SUCLG2: variants seen among roughly 807,000 people sequenced by gnomAD.
SUCLG2 encodes the protein succinate--CoA ligase [GDP-forming] subunit beta, mitochondrial.
A neutral mutation model predicts 47.9 loss-of-function variants in SUCLG2; 42 were observed. The observed-to-expected ratio is 0.88, with a 90% CI of 0.69 to 1.14. SUCLG2 has a LOEUF of 1.14. SUCLG2 is among the 50% of genes most tolerant of loss of function. The probability of loss-of-function intolerance (pLI) is 0.00; values close to 1 mark genes in which losing one functional copy is unlikely to be tolerated. For synonymous variants in SUCLG2, 195 were observed against 197.3 expected (o/e 0.99, Z 0.10); for missense variants, 571 against 525.9 (o/e 1.09, Z -0.84).
chr3:67,653,539 T>C (rs1467819446), intron 1 of SUCLG2, among the ~76,000 whole-genome samples: 11 of 152,244 alleles, frequency 7.2e-5, no homozygotes, highest in Admixed American at 7.2e-4. Flanking sequence ...TCTAAAAAAC[T>C]ATACTATGCA....
rs1405712113 is a variant in SUCLG2 at position 67,487,583 on chromosome 3, CA to C, written c.1062+8214del. Among the ~76,000 whole-genome samples the C allele has an allele frequency of 7.7e-5, 11 of 143,664 alleles. No individual in the cohort carries two copies. In the East Asian group the frequency reaches 1.2e-3, roughly 16 times the overall value. 94.2% of individuals were successfully genotyped at this position (143,664 alleles called of 152,430 possible). A position where few individuals can be genotyped will look rare whatever the true frequency, so the allele number is the denominator to read the frequency against. ...AATTATGTAATAATGGAAAACTAGA[CA>C]AAAAAAAAGAAAAGGCAAGTCATAA... On this transcript the variant is annotated intron_variant, in intron 9 of 10. Coordinates refer to ENST00000307227, the MANE Select transcript of SUCLG2 (RefSeq NM_003848.4).
intron 4 of SUCLG2, 117 bp from the exon 5 acceptor site, chr3:67,520,751 G>C: frequency 8.3e-7 from 1 of 1,210,248 alleles, no homozygotes; most frequent in Non-Finnish European, 1.2e-6. Context: ...TTACAGCCCA[G>C]GGAGTGAGTT....
intron 2 of SUCLG2, among the ~76,000 whole-genome samples, chr3:67,569,882 G>T (rs1575785746): frequency 1.3e-5 from 2 of 152,216 alleles, no homozygotes; most frequent in East Asian, 3.9e-4. Context: ...GATGGGAGGG[G>T]GCATGCAGAA....
At chr3:67,641,461 AC>A (rs1411042146) in intron 1 of SUCLG2, among the ~76,000 whole-genome samples, 5 of 152,212 alleles carry the variant, frequency 3.3e-5, no homozygotes, top group Non-Finnish European at 7.3e-5. Context: ...GTGCAAAGTT[AC>A]AAATTTCAAA....
chr3:67,498,219 G>A lies in SUCLG2; in HGVS notation c.834C>T (p.Asp278=). Residue 278 remains aspartate (D), a synonymous_variant, in exon 8 of 11, where the codon GAC becomes GAT. Transcript: ENST00000307227. ...TTTCAATGGGCTCATTCTCTGATTT[G>A]TCGTCCATAGCAAATATGTCTTTTT... ...FRQKDIFAMD[D]KSENEPIENE... 1 of 1,613,788 alleles carries A rather than the reference G, an allele frequency of 6.2e-7. No individual in the cohort carries two copies. Among genetic ancestry groups the A allele is most frequent in the Non-Finnish European group, 8.5e-7 (1 of 1,179,842 alleles).
At chr3:67,589,562 G>T (rs987018767) in intron 2 of SUCLG2, among the ~76,000 whole-genome samples, 6 of 152,188 alleles carry the variant, frequency 3.9e-5, no homozygotes, top group Non-Finnish European at 7.3e-5. Flanking sequence ...AGTCCTCAAG[G>T]CCTAAGGGAT....
At chr3:67,363,039 G>C (rs1701826832) in intron 10 of SUCLG2, among the ~76,000 whole-genome samples, 1 of 152,116 alleles carries the variant, frequency 6.6e-6, no homozygotes, top group African/African-American at 2.4e-5. Flanking sequence ...TTTCTCCTGA[G>C]AACTTGACCT....
chr3:67,649,328 A>C (rs1701245906), intron 1 of SUCLG2, among the ~76,000 whole-genome samples: 1 of 152,192 alleles, frequency 6.6e-6, no homozygotes, highest in South Asian at 2.1e-4. Flanking sequence ...TGTGTTTCTT[A>C]TTCCTGTCTG....
intron 2 of SUCLG2, among the ~76,000 whole-genome samples, chr3:67,607,535 T>A (rs532444234): frequency 7.3e-4 from 111 of 152,162 alleles, no homozygotes; most frequent in African/African-American, 2.3e-3. Context: ...ACCTACAAAG[T>A]CTGTATGCCA....
intron 10 of SUCLG2, among the ~76,000 whole-genome samples, chr3:67,378,896 G>A (rs544754789): frequency 6.6e-6 from 1 of 152,290 alleles, no homozygotes; most frequent in South Asian, 2.1e-4. Context: ...CAAAAGCCCT[G>A]ATGGACACAG....
chr3:67,442,211 C>G (rs1703783648), intron 9 of SUCLG2, among the ~76,000 whole-genome samples: 1 of 151,696 alleles, frequency 6.6e-6, no homozygotes, highest in Non-Finnish European at 1.5e-5. Flanking sequence ...GGGGTTTCAC[C>G]GTTTTAGCCG....
At chr3:67,385,992 G>T (rs1027784156) in intron 10 of SUCLG2, among the ~76,000 whole-genome samples, 3 of 152,158 alleles carry the variant, frequency 2.0e-5, no homozygotes, top group African/African-American at 7.2e-5. Context: ...AGGCTAGAAG[G>T]TCTCAGAGGG....
intron 10 of SUCLG2, among the ~76,000 whole-genome samples, chr3:67,397,230 A>G (rs527689526): frequency 6.6e-6 from 1 of 152,230 alleles, no homozygotes; most frequent in East Asian, 1.9e-4. Flanking sequence ...AGGAAGCCCA[A>G]CTGTCCTTGT....
At chr3:67,538,925 C>A (rs1006013213) in intron 2 of SUCLG2, among the ~76,000 whole-genome samples, 1 of 152,186 alleles carries the variant, frequency 6.6e-6, no homozygotes, top group Admixed American at 6.5e-5. Flanking sequence ...TGAGACTTCG[C>A]TGAAGTTCCT....
intron 9 of SUCLG2, among the ~76,000 whole-genome samples, chr3:67,473,712 T>C: frequency 6.6e-6 from 1 of 152,202 alleles, no homozygotes; most frequent in East Asian, 1.9e-4. Context: ...TACAGATAAC[T>C]TCCGAGTAGC....
chr3:67,460,178 A>G (rs185587165), intron 9 of SUCLG2, among the ~76,000 whole-genome samples: 1 of 152,338 alleles, frequency 6.6e-6, no homozygotes, highest in East Asian at 1.9e-4. Context: ...TTGGTAGTAA[A>G]TCACTACTGA....
At chr3:67,599,687 CT>C (rs1708373609) in intron 2 of SUCLG2, among the ~76,000 whole-genome samples, 1 of 149,104 alleles carries the variant, frequency 6.7e-6, no homozygotes, top group African/African-American at 2.5e-5. Context: ...GCTGAAGTGA[CT>C]GGTATATTTG....
At chr3:67,400,563 C>G (rs140906289) in intron 10 of SUCLG2, among the ~76,000 whole-genome samples, 168 bp downstream of exon 10, 410 of 151,802 alleles carry the variant, frequency 2.7e-3, no homozygotes, top group African/African-American at 9.2e-3. Context: ...CTAAAAGCCA[C>G]ATTAGTTTGC....
intron 7 of SUCLG2, 86 bp from the exon 8 acceptor site, chr3:67,498,381 G>A: frequency 7.1e-7 from 1 of 1,403,386 alleles, no homozygotes; most frequent in Non-Finnish European, 9.8e-7. Flanking sequence ...ACAAGCGAAG[G>A]GAAAGTTAAG....
Sources: gnomAD v4.1 joint callset for allele counts (sites outside exome capture counted in the v4.1 genomes callset) on GRCh38, gnomAD v4.1.1 for gene constraint, MANE v1.5 for transcripts, NCBI Gene and HGNC (gene_info 2026-07-23, HGNC 2026-07-21) for gene names.